Variants in NDUFAF2 observed in about 807,000 individuals in gnomAD.
NDUFAF2 encodes the protein NADH:ubiquinone oxidoreductase complex assembly factor 2.
NDUFAF2 carries 13 observed loss-of-function variants against 22.8 expected under a neutral mutation model. That is an observed-to-expected ratio of 0.57 (90% CI 0.37 to 0.91). The LOEUF is 0.91. NDUFAF2 is among the 40% of genes least tolerant of loss of function. NDUFAF2 has a pLI of 0.01. For synonymous variants in NDUFAF2, 53 were observed against 64.2 expected (o/e 0.83, Z 0.84); for missense variants, 162 against 195.2 (o/e 0.83, Z 1.01).
At chr5:61,126,423 T>C (rs568033834) in intron 3 of NDUFAF2, among the ~76,000 whole-genome samples, 3 of 152,160 alleles carry the variant, frequency 2.0e-5, no homozygotes, top group Middle Eastern at 3.4e-3. Context: ...CTTCACAAAG[T>C]CAAACTAATT....
intron 3 of NDUFAF2, among the ~76,000 whole-genome samples, chr5:61,117,240 G>T (rs545599118): frequency 1.3e-5 from 2 of 152,262 alleles, no homozygotes; most frequent in South Asian, 4.1e-4. Context: ...CCTTGGTTTG[G>T]CCTATACTAT....
chr5:61,011,379 A>C (rs1751440908), intron 1 of NDUFAF2, among the ~76,000 whole-genome samples: 1 of 152,130 alleles, frequency 6.6e-6, no homozygotes, highest in South Asian at 2.1e-4. Context: ...AGTTAGTGAT[A>C]CAAATAAATA....
intron 1 of NDUFAF2, among the ~76,000 whole-genome samples, chr5:61,057,414 G>A (rs1460281606): frequency 6.6e-6 from 1 of 152,170 alleles, no homozygotes; most frequent in Non-Finnish European, 1.5e-5. Flanking sequence ...GAATAGTATA[G>A]GGAAAGAAGT....
chr5:60,946,866 A>G (rs981378164), intron 1 of NDUFAF2, among the ~76,000 whole-genome samples: 4 of 152,344 alleles, frequency 2.6e-5, no homozygotes, highest in Admixed American at 1.3e-4. Context: ...CTTTTCTAGA[A>G]TATCATATAA....
chr5:61,134,257 A>G (rs1263442819), intron 3 of NDUFAF2, among the ~76,000 whole-genome samples: 1 of 100,312 alleles, frequency 1.0e-5, no homozygotes, highest in Admixed American at 1.2e-4. Context: ...TGGGAGGATA[A>G]ACAGAAAATT....
chr5:60,978,512 A>G (rs892708630), intron 1 of NDUFAF2, among the ~76,000 whole-genome samples: 1 of 152,298 alleles, frequency 6.6e-6, no homozygotes. Context: ...AGCAGGAGCA[A>G]GCAGTTGGGG....
Position 61,106,357 on chromosome 5 carries a change from T to C in NDUFAF2, c.258+7325T>C, listed in dbSNP as rs140858740. ...ATATTATATGTGCTTCTTTCTATGA[T>C]GCACTGAGGATTAAACATTATTCAC... On this transcript the variant is annotated intron_variant, in intron 3 of 3. Coordinates refer to ENST00000296597, the MANE Select transcript of NDUFAF2 (RefSeq NM_174889.5). Among the ~76,000 whole-genome samples the C allele has an allele frequency of 1.5e-3, 234 of 151,632 alleles. 1 individual carries two copies. Among genetic ancestry groups the C allele is most frequent in the Admixed American group, 3.0e-3 (45 of 15,246 alleles).
intron 1 of NDUFAF2, among the ~76,000 whole-genome samples, chr5:60,969,021 T>C (rs1286066816): frequency 6.6e-6 from 1 of 152,138 alleles, no homozygotes; most frequent in East Asian, 1.9e-4. Context: ...GGCCCATTCA[T>C]ATTGTTGCAA....
intron 2 of NDUFAF2, among the ~76,000 whole-genome samples, chr5:61,084,432 C>T (rs150498245): frequency 4.1e-5 from 6 of 145,212 alleles, no homozygotes; most frequent in African/African-American, 1.2e-4. Context: ...TTTCATCTTC[C>T]CAAACTGAAA....
intron 1 of NDUFAF2, among the ~76,000 whole-genome samples, chr5:61,066,188 T>C (rs1003182370): frequency 6.6e-6 from 1 of 151,908 alleles, no homozygotes; most frequent in Admixed American, 6.6e-5. Flanking sequence ...CTATAAAACA[T>C]TGATGAGAGA....
chr5:60,979,850 A>G (rs1201802514), intron 1 of NDUFAF2, among the ~76,000 whole-genome samples: 1 of 152,210 alleles, frequency 6.6e-6, no homozygotes, highest in Non-Finnish European at 1.5e-5. Context: ...TGGTCACTGT[A>G]GTCCTTAGTG....
At chr5:60,974,942 A>G (rs570546056) in intron 1 of NDUFAF2, among the ~76,000 whole-genome samples, 1 of 152,130 alleles carries the variant, frequency 6.6e-6, no homozygotes, top group South Asian at 2.1e-4. Context: ...CAGCCTCCCA[A>G]GTAACTGAGA....
intron 3 of NDUFAF2, among the ~76,000 whole-genome samples, chr5:61,105,622 T>C (rs1351480822): frequency 2.0e-5 from 2 of 102,458 alleles, no homozygotes; most frequent in Non-Finnish European, 4.0e-5. Context: ...GAAGCAATGA[T>C]ACTGAGCAAA....
intron 1 of NDUFAF2, among the ~76,000 whole-genome samples, chr5:61,038,660 A>T (rs1580107308): frequency 6.6e-6 from 1 of 152,172 alleles, no homozygotes; most frequent in African/African-American, 2.4e-5. Flanking sequence ...TGCTTGCTTA[A>T]TGTTTGATTT....
intron 1 of NDUFAF2, among the ~76,000 whole-genome samples, chr5:60,968,230 T>C (rs1258013818): frequency 6.6e-6 from 1 of 151,844 alleles, no homozygotes. Context: ...TCTCTCTTTT[T>C]TCTTAGTCTA....
chr5:61,070,978 A>G (rs1035005479), intron 1 of NDUFAF2, among the ~76,000 whole-genome samples: 10 of 152,298 alleles, frequency 6.6e-5, no homozygotes, highest in Admixed American at 2.0e-4. Context: ...ACATGAAGAC[A>G]TCGGTATTTG....
chr5:60,960,644 T>C (rs1335259030), intron 1 of NDUFAF2, among the ~76,000 whole-genome samples: 10 of 152,230 alleles, frequency 6.6e-5, no homozygotes, highest in Admixed American at 6.5e-4. Flanking sequence ...AGAGATAGTA[T>C]CTTCAGAACT....
chr5:60,953,650 A>G (rs1308897003), intron 1 of NDUFAF2, among the ~76,000 whole-genome samples: 1 of 152,126 alleles, frequency 6.6e-6, no homozygotes, highest in Non-Finnish European at 1.5e-5. Context: ...TGTAGTTTCT[A>G]CTGCAGTCAT....
In NDUFAF2 at chr5:60,945,393, GGCGTGGGCAGCGATT is replaced by G. The variant is rs770117039; in HGVS notation, c.127+18_127+32del. Reference sequence around the variant, plus strand: ...ACAAGAACTGGAGAGGTGAGGTGGCGGCGTGGGCAGCGATTGCGTGGTCAGTGATTGCGAGGTCAG... The same window carrying G: ...ACAAGAACTGGAGAGGTGAGGTGGCGGCGTGGTCAGTGATTGCGAGGTCAG... On this transcript the variant is annotated intron_variant, in intron 1 of 3. Coordinates refer to ENST00000296597, the MANE Select transcript of NDUFAF2 (RefSeq NM_174889.5). 6.2e-7 allele frequency: 1 copy of G among 1,614,108 alleles called. No individual in the cohort carries two copies. Among genetic ancestry groups the G allele is most frequent in the African/African-American group, 1.3e-5 (1 of 74,934 alleles).
Sources: gnomAD v4.1 joint callset for allele counts (sites outside exome capture counted in the v4.1 genomes callset) on GRCh38, gnomAD v4.1.1 for gene constraint, MANE v1.5 for transcripts, NCBI Gene and HGNC (gene_info 2026-07-23, HGNC 2026-07-21) for gene names.